Variants in CNTN4 observed in about 807,000 individuals in gnomAD.
CNTN4 encodes contactin-4.
CNTN4 carries 77 observed loss-of-function variants against 122.5 expected under a neutral mutation model. The observed-to-expected ratio is 0.63, with a 90% CI of 0.52 to 0.76. The LOEUF (loss-of-function observed/expected upper bound fraction) is 0.76, where lower values mean the gene tolerates loss of function less well. CNTN4 is among the 30% of genes least tolerant of loss of function. The probability of loss-of-function intolerance (pLI) is 0.00; values close to 1 mark genes in which losing one functional copy is unlikely to be tolerated. For synonymous variants in CNTN4, 512 were observed against 447.0 expected, an observed-to-expected ratio of 1.15 and a Z score of -1.83; for missense variants, 1,256 against 1,259.1, an observed-to-expected ratio of 1.00 and a Z score of 0.04.
chr3:2,959,399 A>G (rs1360270734), intron 13 of CNTN4, among the ~76,000 whole-genome samples: 10 of 152,166 alleles, frequency 6.6e-5, no homozygotes, highest in Non-Finnish European at 1.5e-5. Context: ...GCATTTCAGT[A>G]TGATAAGACC....
At chr3:2,905,377 G>A (rs780890075) in intron 12 of CNTN4, among the ~76,000 whole-genome samples, 15 of 152,240 alleles carry the variant, frequency 9.9e-5, no homozygotes, top group Non-Finnish European at 1.6e-4. Flanking sequence ...GGGTTCCGGT[G>A]AAGTCCCCCT....
At chr3:2,420,982 T>A (rs1020586509) in intron 3 of CNTN4, among the ~76,000 whole-genome samples, 5 of 152,146 alleles carry the variant, frequency 3.3e-5, no homozygotes, top group African/African-American at 1.2e-4. Flanking sequence ...TTTTAAATGA[T>A]CCCAGTGTTT....
rs747567925 is a variant in CNTN4 at position 2,709,410 on chromosome 3, G to T, written c.56-26805G>T. Among the ~76,000 whole-genome samples the T allele has an allele frequency of 3.2e-4, 49 of 152,060 alleles. No homozygotes were observed. Among genetic ancestry groups the T allele is most frequent in the Non-Finnish European group, 5.7e-4 (39 of 67,984 alleles). On this transcript the variant is annotated intron_variant, in intron 4 of 24. Coordinates refer to ENST00000418658, the MANE Select transcript of CNTN4 (RefSeq NM_175607.3). The surrounding 1 kb of genome is among the most constrained non-coding windows in gnomAD (Gnocchi z 5.0). Reference sequence around the variant, plus strand: ...TTTGATTGGTAAGGGTACAACCTGTGCACCAGGGATTTTCAAAGTTCCCTC... The same window carrying T: ...TTTGATTGGTAAGGGTACAACCTGTTCACCAGGGATTTTCAAAGTTCCCTC...
At chr3:2,973,546 C>T (rs1331869694) in intron 13 of CNTN4, among the ~76,000 whole-genome samples, 2 of 152,018 alleles carry the variant, frequency 1.3e-5, no homozygotes, top group African/African-American at 4.8e-5. Flanking sequence ...TAATCTCTGA[C>T]CTCTACCCAC....
chr3:2,321,787 C>G (rs1368665248), intron 2 of CNTN4, among the ~76,000 whole-genome samples: 1 of 152,012 alleles, frequency 6.6e-6, no homozygotes, highest in Non-Finnish European at 1.5e-5. Context: ...CAGTTCTTCT[C>G]TGTCACTTGG....
intron 3 of CNTN4, among the ~76,000 whole-genome samples, chr3:2,414,953 C>A (rs1320103710): frequency 2.0e-5 from 3 of 152,148 alleles, no homozygotes; most frequent in African/African-American, 7.2e-5. Context: ...AGCCTCGTTG[C>A]AAAACTCTTC....
intron 2 of CNTN4, among the ~76,000 whole-genome samples, chr3:2,226,153 T>C (rs2039273954): frequency 6.6e-6 from 1 of 152,176 alleles, no homozygotes; most frequent in African/African-American, 2.4e-5. Flanking sequence ...ACATATATAA[T>C]TCTTACCTCC....
At chr3:2,255,409 T>A (rs2040541448) in intron 2 of CNTN4, among the ~76,000 whole-genome samples, 1 of 152,180 alleles carries the variant, frequency 6.6e-6, no homozygotes, top group African/African-American at 2.4e-5. Flanking sequence ...ATTTAGGACT[T>A]GAACTCAGCT....
chr3:2,743,306 A>T (rs1407561293), intron 5 of CNTN4, among the ~76,000 whole-genome samples: 1 of 152,168 alleles, frequency 6.6e-6, no homozygotes, highest in East Asian at 1.9e-4. Context: ...AGTTCTAGAG[A>T]TTCATGTGCA....
intron 13 of CNTN4, among the ~76,000 whole-genome samples, chr3:2,939,546 AT>A (rs964448189): frequency 3.3e-5 from 5 of 152,184 alleles, no homozygotes; most frequent in African/African-American, 1.2e-4. Context: ...ATTAGGATAA[AT>A]TTTTTAACCT....
intron 6 of CNTN4, among the ~76,000 whole-genome samples, chr3:2,774,380 T>C (rs1415986297): frequency 1.3e-5 from 2 of 152,168 alleles, no homozygotes; most frequent in Non-Finnish European, 2.9e-5. Context: ...CTACCGCCAT[T>C]GTTCCTTCTC....
At position 2,170,800 on chromosome 3, in the gene CNTN4, G is replaced by T. The variant is rs564530460; in HGVS notation, c.-145+70161G>T. On this transcript the variant is annotated intron_variant, in intron 2 of 24. Transcript: ENST00000418658. ...GTAAAAACTTATGCAGATGTAGATGGATCAATAGAAATAGAACAAACCGTA... is the reference window on the plus strand; with the variant it reads ...GTAAAAACTTATGCAGATGTAGATGTATCAATAGAAATAGAACAAACCGTA... Among the ~76,000 whole-genome samples the T allele has an allele frequency of 2.0e-4, 31 of 152,130 alleles. No homozygotes were observed. In the East Asian group the frequency reaches 5.6e-3, roughly 28 times the overall value.
At chr3:2,762,928 G>T (rs1055730557) in intron 6 of CNTN4, among the ~76,000 whole-genome samples, 3 of 144,750 alleles carry the variant, frequency 2.1e-5, no homozygotes, top group South Asian at 2.3e-4. Context: ...AATGATCAGT[G>T]ATGTCAAGCT....
chr3:2,155,423 C>T (rs886104859), intron 2 of CNTN4, among the ~76,000 whole-genome samples: 1 of 152,204 alleles, frequency 6.6e-6, no homozygotes, highest in Non-Finnish European at 1.5e-5. Context: ...CCAGGAGCAG[C>T]TCCTCAGCAG....
intron 2 of CNTN4, among the ~76,000 whole-genome samples, chr3:2,207,228 T>C (rs1153540): frequency 0.6 from 91,141 of 151,742 alleles, 27,735 homozygotes; most frequent in African/African-American, 0.68. Context: ...CACAATAATA[T>C]TGAAATTAGG....
At chr3:2,446,491 A>G (rs2048630364) in intron 3 of CNTN4, among the ~76,000 whole-genome samples, 1 of 152,264 alleles carries the variant, frequency 6.6e-6, no homozygotes, top group East Asian at 1.9e-4. Flanking sequence ...GGCTTTATTC[A>G]TACCAATTAT....
intron 4 of CNTN4, among the ~76,000 whole-genome samples, chr3:2,716,464 A>G (rs2087504584): frequency 6.6e-6 from 1 of 152,056 alleles, no homozygotes; most frequent in Admixed American, 6.6e-5. Flanking sequence ...AAAATACTGT[A>G]AACTGGGTAG....
intron 3 of CNTN4, among the ~76,000 whole-genome samples, chr3:2,460,423 G>A (rs2049162275): frequency 6.6e-6 from 1 of 152,080 alleles, no homozygotes. Context: ...ATGGTTCTGT[G>A]AATGCTTGAT....
intron 2 of CNTN4, among the ~76,000 whole-genome samples, chr3:2,236,413 G>A (rs1422979808): frequency 1.3e-5 from 2 of 152,106 alleles, no homozygotes; most frequent in African/African-American, 4.8e-5. Context: ...TCATGTGTGT[G>A]GAAGCATATT....
Sources: gnomAD v4.1 joint callset for allele counts (sites outside exome capture counted in the v4.1 genomes callset) on GRCh38, gnomAD v4.1.1 for gene constraint, Gnocchi (gnomAD v3.1) non-coding constraint, MANE v1.5 for transcripts, NCBI Gene and HGNC (gene_info 2026-07-23, HGNC 2026-07-21) for gene names.